Variants in YEATS2 observed in about 807,000 individuals in gnomAD.
YEATS2 encodes YEATS domain-containing protein 2.
In YEATS2, 77 loss-of-function variants were observed where a neutral mutation model predicts 163.2. The observed-to-expected ratio is 0.47, with a 90% confidence interval of 0.39 to 0.57. The LOEUF is 0.57. Ranked by LOEUF, YEATS2 falls within the 20% of genes least tolerant of loss-of-function variation. The probability of loss-of-function intolerance (pLI) is 0.00; values close to 1 mark genes in which losing one functional copy is unlikely to be tolerated. For missense variants in YEATS2, 1,549 were observed against 1,729.8 expected (o/e 0.90, Z 1.85); for synonymous variants, 631 against 645.1 (o/e 0.98, Z 0.33).
Position 183,809,142 on chromosome 3 carries a change from G to A in YEATS2, c.4132G>A (p.Val1378Ile). The A allele has an allele frequency of 6.2e-7, 1 of 1,614,140 alleles. No individual in the cohort carries two copies. ...TGATATCCTGAGACAGGCTTTGGCA[G>A]TTGGATACCAGACAGCTTCTCACAA... ...VNDILRQALAVGYQTASHNRI... is the reference protein window; with the variant it reads ...VNDILRQALAIGYQTASHNRI... Residue 1378 changes from valine (V) to isoleucine (I), a missense_variant, in exon 30 of 31, where the codon GTT (valine) becomes ATT (isoleucine). Val to Ile is a conservative substitution (Grantham distance 29). Coordinates refer to ENST00000305135, the MANE Select transcript of YEATS2 (RefSeq NM_018023.5).
chr3:183,698,557 C>T (rs1443684829), intron 1 of YEATS2, among the ~76,000 whole-genome samples: 3 of 152,140 alleles, frequency 2.0e-5, no homozygotes, highest in Non-Finnish European at 4.4e-5. Context: ...GGGCTGTGGC[C>T]AGACTGCAGA....
intron 8 of YEATS2, among the ~76,000 whole-genome samples, chr3:183,740,095 A>G (rs1427504495): frequency 2.9e-5 from 4 of 136,760 alleles, no homozygotes; most frequent in East Asian, 2.2e-4. Flanking sequence ...ACAAAAGCCA[A>G]AATTGACAAA....
intron 1 of YEATS2, among the ~76,000 whole-genome samples, chr3:183,712,453 C>T (rs1244078999): frequency 6.6e-6 from 1 of 151,722 alleles, no homozygotes; most frequent in Non-Finnish European, 1.5e-5. Context: ...TCAGGTGATC[C>T]ACCTGCCTGA....
At chr3:183,792,829 C>CAATT (rs1724789384) in intron 21 of YEATS2, among the ~76,000 whole-genome samples, 1 of 152,214 alleles carries the variant, frequency 6.6e-6, no homozygotes, top group African/African-American at 2.4e-5. Flanking sequence ...TTTTTTATAA[C>CAATT]TAATTTTAGG....
chr3:183,761,300 T>C (rs1056524437), intron 13 of YEATS2, among the ~76,000 whole-genome samples: 2 of 152,154 alleles, frequency 1.3e-5, no homozygotes, highest in Non-Finnish European at 2.9e-5. Flanking sequence ...TTGGTCAGGC[T>C]GGTCTTGATC....
At chr3:183,728,586 T>C in intron 6 of YEATS2, 104 bp from the exon 7 acceptor site, 1 of 1,073,390 alleles carries the variant, frequency 9.3e-7, no homozygotes, top group Non-Finnish European at 1.3e-6. Flanking sequence ...TGTTAAATAT[T>C]GCAGGAATTT....
At chr3:183,761,740 C>A in intron 14 of YEATS2, 126 bp downstream of exon 14, 1 of 870,102 alleles carries the variant, frequency 1.1e-6, no homozygotes. Context: ...CTGAGACGTG[C>A]TTCCATGTAT....
chr3:183,740,833 T>C (rs1176198907), intron 8 of YEATS2, among the ~76,000 whole-genome samples: 1 of 152,244 alleles, frequency 6.6e-6, no homozygotes, highest in African/African-American at 2.4e-5. Context: ...AGGCTTCTGT[T>C]GGAAGAAGAT....
At chr3:183,736,950 A>C in intron 8 of YEATS2, 121 bp downstream of exon 8, 3 of 765,782 alleles carry the variant, frequency 3.9e-6, no homozygotes, top group East Asian at 2.7e-5. Context: ...ACAACTTTCG[A>C]CTCCCCCAAA....
At chr3:183,762,013 A>C in intron 14 of YEATS2, 84 bp from the exon 15 acceptor site, 1 of 1,567,520 alleles carries the variant, frequency 6.4e-7, no homozygotes. Flanking sequence ...TAATCCCTGC[A>C]AACGGAGAAG....
intron 4 of YEATS2, among the ~76,000 whole-genome samples, chr3:183,719,730 C>A (rs1265197598): frequency 6.6e-6 from 1 of 151,790 alleles, no homozygotes; most frequent in Non-Finnish European, 1.5e-5. Context: ...AGTGGCTATT[C>A]ACAAGCACGA....
chr3:183,808,116 C>A lies in YEATS2; in HGVS notation c.4086+12C>A. On this transcript the variant is annotated intron_variant, in intron 29 of 30. Coordinates refer to ENST00000305135, the MANE Select transcript of YEATS2 (RefSeq NM_018023.5). ...ACATGATCCTGAAGGTGGGTGCCTG[C>A]AGGGGCCGCCAGCCAGGAAGGATGG... 1 of 1,549,122 alleles carries A rather than the reference C, an allele frequency of 6.5e-7. No individual in the cohort carries two copies. Among genetic ancestry groups the A allele is most frequent in the Non-Finnish European group, 8.7e-7 (1 of 1,144,996 alleles).
At chr3:183,759,692 C>T (rs12639043) in intron 13 of YEATS2, among the ~76,000 whole-genome samples, 23,644 of 152,180 alleles carry the variant, frequency 0.16, 2,020 homozygotes, top group East Asian at 0.31. Flanking sequence ...AACGATTTTT[C>T]GACTTTACCG....
chr3:183,744,102 C>CTTTTTTTTTTT (rs562807575), intron 8 of YEATS2, among the ~76,000 whole-genome samples: 1 of 56,004 alleles, frequency 1.8e-5, no homozygotes, highest in Non-Finnish European at 3.0e-5. Flanking sequence ...TTTAGTTTTG[C>CTTTTTTTTTTT]TTTTTTTTTT....
At chr3:183,806,073 A>T in intron 27 of YEATS2, 1 of 351,198 alleles carries the variant, frequency 2.8e-6, no homozygotes, top group Non-Finnish European at 5.6e-6. Context: ...CTGTGATTTG[A>T]TGTTGTGACT....
At chr3:183,717,056 C>G (rs1715967769) in intron 2 of YEATS2, among the ~76,000 whole-genome samples, 1 of 152,064 alleles carries the variant, frequency 6.6e-6, no homozygotes, top group South Asian at 2.1e-4. Context: ...CTACGCCCAG[C>G]TAGTTTTTGT....
Position 183,803,237 on chromosome 3 carries a change from C to T in YEATS2, c.3503-19C>T, listed in dbSNP as rs1360983607. On this transcript the variant is annotated intron_variant, in intron 25 of 30. Coordinates refer to ENST00000305135, the MANE Select transcript of YEATS2 (RefSeq NM_018023.5). ...TCGTAAGAGCTTTATTCAGGCTTTG[C>T]TGGGTGTGTGCATTCTAGGTGAAGA... The T allele has an allele frequency of 1.2e-6, 2 of 1,609,892 alleles. No homozygotes were observed. Among genetic ancestry groups the T allele is most frequent in the Non-Finnish European group, 1.7e-6 (2 of 1,179,140 alleles).
intron 1 of YEATS2, among the ~76,000 whole-genome samples, chr3:183,701,309 G>A (rs530896670): frequency 3.2e-4 from 49 of 152,064 alleles, no homozygotes; most frequent in African/African-American, 1.2e-3. Flanking sequence ...GGATGATCTC[G>A]ATCTCCTGAC....
intron 21 of YEATS2, chr3:183,793,611 T>A: frequency 5.1e-6 from 1 of 195,862 alleles, no homozygotes; most frequent in Non-Finnish European, 8.7e-6. Flanking sequence ...CTTTCTTTCT[T>A]TTTTTTTTTT....
Sources: allele counts gnomAD v4.1 joint callset (sites outside exome capture counted in the v4.1 genomes callset), GRCh38; gene constraint gnomAD v4.1.1; transcripts MANE v1.5; gene names NCBI Gene and HGNC (gene_info 2026-07-23, HGNC 2026-07-21).